Variants in NLRP9 observed in about 807,000 individuals in gnomAD.
NLRP9 encodes the protein NLR family pyrin domain containing 9, also known as NACHT, LRR and PYD domains-containing protein 9.
NLRP9 carries 88 observed loss-of-function variants against 83.1 expected under a neutral mutation model. The observed-to-expected ratio is 1.06, with a 90% CI of 0.89 to 1.26. NLRP9 has a LOEUF of 1.26. Ranked by LOEUF, NLRP9 falls within the 50% of genes most tolerant of loss-of-function variation. The pLI is 0.00. For missense variants in NLRP9, 1,308 were observed against 1,179.3 expected (o/e 1.11, Z -1.60); for synonymous variants, 521 against 447.6 (o/e 1.16, Z -2.07).
intron 8 of NLRP9, among the ~76,000 whole-genome samples, chr19:55,711,001 C>T (rs10403155): frequency 2.0e-5 from 3 of 151,754 alleles, no homozygotes; most frequent in Non-Finnish European, 4.4e-5. Context: ...CATGAGAATT[C>T]CTTGAGCCCG....
intron 4 of NLRP9, among the ~76,000 whole-genome samples, chr19:55,719,582 T>G (rs1952186060): frequency 6.6e-6 from 1 of 152,268 alleles, no homozygotes; most frequent in African/African-American, 2.4e-5. Context: ...TCTTTTGACT[T>G]TTTATTAATT....
intron 3 of NLRP9, among the ~76,000 whole-genome samples, chr19:55,727,454 G>C (rs1988435594): frequency 6.6e-6 from 1 of 152,112 alleles, no homozygotes; most frequent in African/African-American, 2.4e-5. Context: ...CTTGTGCTTT[G>C]AGACTGAATT....
In NLRP9 at chr19:55,738,371, C is replaced by T; in HGVS notation, c.4G>A (p.Ala2Thr). The change falls in exon 1 of 9, where the codon GCA becomes ACA. Residue 2 changes from alanine (A) to threonine (T), a missense_variant. Ala to Thr is a moderately conservative substitution (Grantham distance 58). Coordinates refer to ENST00000332836, the MANE Select transcript of NLRP9 (RefSeq NM_176820.4). ...CCAAAATCCGAAAAAAAAGATTCTG[C>T]CATATCGCCCCAGGATTGTGAACTG... M[A>T]ESFFSDFGLL... The T allele has an allele frequency of 5.0e-6, 8 of 1,612,360 alleles. No individual in the cohort carries two copies. Among genetic ancestry groups the T allele is most frequent in the Non-Finnish European group, 5.9e-6 (7 of 1,179,696 alleles).
At chr19:55,712,270 G>A (rs773000841) in intron 7 of NLRP9, 150 bp downstream of exon 7, 9 of 711,230 alleles carry the variant, frequency 1.3e-5, no homozygotes, top group Non-Finnish European at 1.8e-5. Flanking sequence ...TACCAAGACT[G>A]AGCAAACCCT....
Position 55,729,902 on chromosome 19 carries a change from G to C in NLRP9, c.1923C>G (p.Ser641Arg). 1.9e-6 allele frequency: 3 copies of C among 1,613,596 alleles called. No homozygotes were observed. The highest frequency in any genetic ancestry group is 2.5e-6 in the Non-Finnish European group (3 of 1,179,580). The change falls in exon 3 of 9, where the codon AGC becomes AGG. Residue 641 changes from serine (S) to arginine (R), a missense_variant. By Grantham distance (110) the Ser-to-Arg change is moderately radical. Transcript: ENST00000332836. ...GAATCGCCAGGGAGGGATCATCGAGGCTGGTATTTTCCATGTCTAAAATCT... is the reference window on the plus strand; with the variant it reads ...GAATCGCCAGGGAGGGATCATCGAGCCTGGTATTTTCCATGTCTAAAATCT... ...NFQILDMENT[S>R]LDDPSLAILC...
At position 55,732,982 on chromosome 19, in the gene NLRP9, G is replaced by A; in HGVS notation, c.849C>T (p.His283=). 9 of 1,614,092 alleles carry A rather than the reference G, an allele frequency of 5.6e-6. 1 individual carries two copies. Among genetic ancestry groups the A allele is most frequent in the Non-Finnish European group, 6.8e-6 (8 of 1,179,950 alleles). The change falls in exon 2 of 9, where the codon CAC becomes CAT. Residue 283 remains histidine, a synonymous_variant. Coordinates refer to ENST00000332836, the MANE Select transcript of NLRP9 (RefSeq NM_176820.4). ...IALGKLAMQK[H]YFMLRHPKLI... ...GTTTTGGATGCCGCAACATAAAATA[G>A]TGTTTTTGCATAGCCAGTTTTCCTA...
At chr19:55,729,050 C>CTTTTTTTTTTTTTTTTTTTTTTTTT (rs374589373) in intron 3 of NLRP9, among the ~76,000 whole-genome samples, 4 of 70,246 alleles carry the variant, frequency 5.7e-5, no homozygotes, top group South Asian at 5.9e-4. Context: ...TTTTCTTTTT[C>CTTTTTTTTTTTTTTTTTTTTTTTTT]TTTTTTTTTT....
chr19:55,731,898 G>C (rs1299649146), intron 2 of NLRP9, 101 bp downstream of exon 2: 6 of 715,572 alleles, frequency 8.4e-6, no homozygotes, highest in Non-Finnish European at 1.4e-5. Context: ...CGACCTCCAT[G>C]CTTTTAAGCA....
intron 6 of NLRP9, among the ~76,000 whole-genome samples, chr19:55,714,648 A>C (rs1987936542): frequency 1.3e-5 from 2 of 152,142 alleles, no homozygotes; most frequent in African/African-American, 4.8e-5. Context: ...TGGTATAACA[A>C]AATGCCATAG....
chr19:55,734,631 ATATATATTTT>A (rs1988730707), intron 1 of NLRP9, among the ~76,000 whole-genome samples: 1 of 106,162 alleles, frequency 9.4e-6, no homozygotes, highest in African/African-American at 3.5e-5. Flanking sequence ...ATATATATAT[ATATATATTTT>A]TTTTTTTTTT....
intron 1 of NLRP9, among the ~76,000 whole-genome samples, chr19:55,734,333 A>G (rs1400856275): frequency 7.3e-6 from 1 of 137,330 alleles, no homozygotes; most frequent in Non-Finnish European, 1.5e-5. Context: ...CACTGCACTC[A>G]AGCCTGGGCA....
rs966886538 is a variant in NLRP9, at chr19:55,733,700, C to T, written c.281-150G>A. 12 of 594,520 alleles carry T rather than the reference C, an allele frequency of 2.0e-5. No individual in the cohort carries two copies. In the Admixed American group the frequency reaches 2.7e-4, roughly 13 times the overall value. The allele number at this position is 594,520 out of a possible 1,614,324, so 36.8% of individuals were successfully genotyped here. On this transcript the variant is annotated intron_variant, in intron 1 of 8. Transcript: ENST00000332836. ...AAATTTAACCTGAGAGACTGGTTCA[C>T]GCCATGATGGGAAGTGGGGGTCAGA...
At chr19:55,716,515 T>G (rs1200501589) in intron 5 of NLRP9, among the ~76,000 whole-genome samples, 4 of 152,106 alleles carry the variant, frequency 2.6e-5, no homozygotes, top group African/African-American at 4.8e-5. Context: ...CGCCTCAGCT[T>G]CTCAAAGTGC....
In NLRP9 at chr19:55,711,837, C is replaced by A. The variant is rs1054177656; in HGVS notation, c.2806G>T (p.Ala936Ser). ...AGGGCACAGTCCGGGTGGCTCAATG[C>A]CTCACACAGCACCACCACTGCATCA... is the stretch of plus-strand genomic sequence containing the variant. ...DADAVVVLCE[A>S]LSHPDCALQM... Residue 936 changes from alanine to serine, a missense_variant, in exon 8 of 9, where the codon GCA becomes TCA. Ala to Ser is a moderately conservative substitution (Grantham distance 99). Transcript: ENST00000332836. The A allele has an allele frequency of 1.2e-6, 2 of 1,613,346 alleles. No homozygotes were observed. Among genetic ancestry groups the A allele is most frequent in the Non-Finnish European group, 1.7e-6 (2 of 1,179,942 alleles).
At chr19:55,717,922 TGA>T (rs1988082802) in intron 4 of NLRP9, among the ~76,000 whole-genome samples, 2 of 152,142 alleles carry the variant, frequency 1.3e-5, no homozygotes, top group Admixed American at 6.5e-5. Flanking sequence ...GGGAAAAGAA[TGA>T]GAGATCAGAT....
intron 8 of NLRP9, among the ~76,000 whole-genome samples, chr19:55,711,030 G>A (rs918964647): frequency 6.6e-6 from 1 of 151,282 alleles, no homozygotes; most frequent in East Asian, 1.9e-4. Flanking sequence ...GGGTTGAAGT[G>A]AGCTGAGACT....
At chr19:55,736,184 G>A (rs556764669) in intron 1 of NLRP9, among the ~76,000 whole-genome samples, 7 of 151,880 alleles carry the variant, frequency 4.6e-5, no homozygotes, top group Non-Finnish European at 2.9e-5. Context: ...GAGGTCAGGA[G>A]ATCGAGACCA....
intron 8 of NLRP9, chr19:55,711,277 AAAT>A: frequency 6.8e-6 from 5 of 735,456 alleles, no homozygotes; most frequent in Non-Finnish European, 8.3e-6. Context: ...AAAATTAAAA[AAAT>A]AAAATCAGAA....
At chr19:55,729,044 C>CTTTTTT (rs199974942) in intron 3 of NLRP9, among the ~76,000 whole-genome samples, 3 of 98,224 alleles carry the variant, frequency 3.1e-5, no homozygotes, top group African/African-American at 4.3e-5. Flanking sequence ...TCTTATTTTT[C>CTTTTTT]TTTTTCTTTT....
Sources: gnomAD v4.1 joint callset for allele counts (sites outside exome capture counted in the v4.1 genomes callset) on GRCh38, gnomAD v4.1.1 for gene constraint, MANE v1.5 for transcripts, NCBI Gene and HGNC (gene_info 2026-07-23, HGNC 2026-07-21) for gene names.